POU2F2: variants seen among roughly 807,000 people sequenced by gnomAD.
The protein encoded by POU2F2 is POU class 2 homeobox 2.
A neutral mutation model predicts 63.5 loss-of-function variants in POU2F2; 14 were observed. That is an observed-to-expected ratio of 0.22 (90% CI 0.15 to 0.34). The LOEUF is 0.34. Ranked by LOEUF, POU2F2 falls within the 10% of genes least tolerant of loss-of-function variation. The pLI, the probability that POU2F2 is intolerant of heterozygous loss-of-function variation, is 1.00. For missense variants in POU2F2, 607 were observed against 815.2 expected (o/e 0.74, Z 3.11); for synonymous variants, 306 against 348.6 (o/e 0.88, Z 1.36).
intron 2 of POU2F2, among the ~76,000 whole-genome samples, chr19:42,151,054 C>T (rs2034337614): frequency 6.6e-6 from 1 of 152,232 alleles, no homozygotes; most frequent in Non-Finnish European, 1.5e-5. Flanking sequence ...TCCTCCCCTC[C>T]CCCCTACCTG....
chr19:42,180,730 T>G (rs925598075), upstream of POU2F2, among the ~76,000 whole-genome samples: 16 of 152,242 alleles, frequency 1.1e-4, no homozygotes, highest in Admixed American at 5.9e-4. Flanking sequence ...GTCTGTTTGT[T>G]TGTTTGTTTG....
chr19:42,177,819 T>C (rs535252394), upstream of POU2F2, among the ~76,000 whole-genome samples: 6 of 144,732 alleles, frequency 4.1e-5, no homozygotes, highest in South Asian at 9.1e-4. Flanking sequence ...CACCCAGAGA[T>C]AGAGACAGAG....
intron 2 of POU2F2, among the ~76,000 whole-genome samples, chr19:42,151,309 G>C (rs1467864205): frequency 6.6e-6 from 1 of 150,630 alleles, no homozygotes; most frequent in Non-Finnish European, 1.5e-5. Flanking sequence ...GCCATGGGCA[G>C]AAGGCGGGGG....
intron 1 of POU2F2, among the ~76,000 whole-genome samples, chr19:42,125,039 C>T (rs749716118): frequency 6.6e-6 from 1 of 152,208 alleles, no homozygotes; most frequent in Non-Finnish European, 1.5e-5. Context: ...ACTCTATATA[C>T]GTTATGTTTT....
intron 1 of POU2F2, among the ~76,000 whole-genome samples, chr19:42,188,835 AAAG>A (rs1212836900): frequency 1.4e-5 from 2 of 147,868 alleles, no homozygotes; most frequent in Non-Finnish European, 3.0e-5. Context: ...GAGGAAGAAA[AAAG>A]AAAGAAAGGG....
upstream of POU2F2, chr19:42,132,569 G>T: frequency 1.7e-6 from 1 of 582,862 alleles, no homozygotes; most frequent in Non-Finnish European, 2.7e-6. Context: ...ACCCGCCCCG[G>T]CAGCCCGGCC....
chr19:42,132,591 A>G, upstream of POU2F2: 1 of 481,242 alleles, frequency 2.1e-6, no homozygotes, highest in Non-Finnish European at 3.5e-6. Context: ...ACCCCAAATC[A>G]TGTGTGTGTG....
At chr19:42,180,059 C>G (rs894132028), upstream of POU2F2, among the ~76,000 whole-genome samples, 5 of 152,146 alleles carry the variant, frequency 3.3e-5, no homozygotes, top group African/African-American at 7.2e-5. Context: ...ACGCCCACTC[C>G]AACTGCACAC....
intron 5 of POU2F2, among the ~76,000 whole-genome samples, chr19:42,107,343 A>G (rs1180971750): frequency 1.3e-5 from 2 of 152,200 alleles, no homozygotes; most frequent in East Asian, 3.8e-4. Context: ...CAACAGAGTG[A>G]GACTCCGTCT....
chr19:42,159,538 T>A (rs2034516245), intron 2 of POU2F2, among the ~76,000 whole-genome samples: 1 of 152,132 alleles, frequency 6.6e-6, no homozygotes, highest in South Asian at 2.1e-4. Context: ...CCAGAAGCCC[T>A]GTCCACCCTC....
At chr19:42,128,284 C>T (rs2033381996) in intron 1 of POU2F2, among the ~76,000 whole-genome samples, 1 of 152,196 alleles carries the variant, frequency 6.6e-6, no homozygotes, top group African/African-American at 2.4e-5. Flanking sequence ...CCTATCTCTA[C>T]TGTCACCCAA....
At chr19:42,175,989 G>A (rs2034868387) in exon 1 of POU2F2, 1 of 149,978 alleles carries the variant, frequency 6.7e-6, no homozygotes, top group South Asian at 2.1e-4. Flanking sequence ...CACCCTGCTT[G>A]CTTCGGAGCT....
intron 1 of POU2F2, among the ~76,000 whole-genome samples, chr19:42,187,924 T>C (rs1429828663): frequency 6.6e-6 from 1 of 152,014 alleles, no homozygotes; most frequent in Non-Finnish European, 1.5e-5. Context: ...CTCCTGATAC[T>C]CATGTCCTCG....
intron 5 of POU2F2, among the ~76,000 whole-genome samples, chr19:42,112,850 C>G (rs1405126758): frequency 3.3e-5 from 5 of 152,194 alleles, no homozygotes; most frequent in African/African-American, 1.2e-4. Flanking sequence ...GCCACCTGGA[C>G]TTGGGCTTTG....
intron 5 of POU2F2, among the ~76,000 whole-genome samples, chr19:42,100,905 C>G (rs1189444668): frequency 1.3e-5 from 2 of 152,078 alleles, no homozygotes; most frequent in Non-Finnish European, 2.9e-5. Flanking sequence ...CGAGACCATC[C>G]TGGCTAACAC....
chr19:42,097,428 C>A (rs1194691986), intron 7 of POU2F2, among the ~76,000 whole-genome samples: 1 of 151,640 alleles, frequency 6.6e-6, no homozygotes, highest in Non-Finnish European at 1.5e-5. Flanking sequence ...AACTCCCGAC[C>A]TCAGGTGATC....
intron 5 of POU2F2, among the ~76,000 whole-genome samples, chr19:42,110,195 G>C (rs1014148789): frequency 6.6e-6 from 1 of 151,964 alleles, no homozygotes; most frequent in African/African-American, 2.4e-5. Context: ...CCAGGAGGTT[G>C]AGGTTGCAGT....
intron 11 of POU2F2, among the ~76,000 whole-genome samples, chr19:42,094,324 A>C: frequency 6.6e-6 from 1 of 152,238 alleles, no homozygotes; most frequent in East Asian, 1.9e-4. Context: ...CCAGGCAGGG[A>C]AAGAGCAGAT....
intron 5 of POU2F2, among the ~76,000 whole-genome samples, chr19:42,107,629 T>C (rs2030334447): frequency 6.6e-6 from 1 of 152,210 alleles, no homozygotes; most frequent in Non-Finnish European, 1.5e-5. Context: ...TCTATATTCA[T>C]GATAGAGGGA....
Sources: allele counts gnomAD v4.1 joint callset (sites outside exome capture counted in the v4.1 genomes callset), GRCh38; gene constraint gnomAD v4.1.1; transcripts MANE v1.5; gene names NCBI Gene and HGNC (gene_info 2026-07-23, HGNC 2026-07-21).